Variants in ATAD2 observed in about 807,000 individuals in gnomAD.
ATAD2 encodes ATPase family AAA domain containing 2, also known as ATPase family AAA domain-containing protein 2.
ATAD2 carries 62 observed loss-of-function variants against 168.9 expected under a neutral mutation model. The ratio of observed to expected loss-of-function variants is 0.37; its 90% CI spans 0.30 to 0.45. The LOEUF (loss-of-function observed/expected upper bound fraction) is 0.45. Ranked by LOEUF, ATAD2 falls within the 20% of genes least tolerant of loss-of-function variation. ATAD2 has a pLI of 1.00. For missense variants in ATAD2, 1,419 were observed against 1,667.8 expected (o/e 0.85, Z 2.60); for synonymous variants, 613 against 571.6 (o/e 1.07, Z -1.03).
intron 19 of ATAD2, among the ~76,000 whole-genome samples, chr8:123,341,657 T>C (rs180901700): frequency 9.2e-5 from 14 of 152,342 alleles, no homozygotes; most frequent in Admixed American, 9.1e-4. Flanking sequence ...TCTTGTTCTT[T>C]GGGCACACAG....
At chr8:123,329,408 C>G (rs1827709500) in intron 24 of ATAD2, among the ~76,000 whole-genome samples, 1 of 152,072 alleles carries the variant, frequency 6.6e-6, no homozygotes, top group Non-Finnish European at 1.5e-5. Flanking sequence ...GTGTATGCCA[C>G]TGCATCAAGC....
chr8:123,327,948 T>C (rs1346311404), intron 25 of ATAD2, among the ~76,000 whole-genome samples: 1 of 152,218 alleles, frequency 6.6e-6, no homozygotes, highest in Admixed American at 6.5e-5. Context: ...TTAAGTATCT[T>C]GCCAAAGGTC....
intron 27 of ATAD2, among the ~76,000 whole-genome samples, chr8:123,321,593 CT>C (rs1224899876): frequency 6.6e-6 from 1 of 151,884 alleles, no homozygotes; most frequent in South Asian, 2.1e-4. Flanking sequence ...TAAGTAATAT[CT>C]TTTTTTAAAA....
Position 123,380,666 on chromosome 8 carries a change from T to A in ATAD2, c.183A>T (p.Ser61=). 1 of 1,609,192 alleles carries A rather than the reference T, an allele frequency of 6.2e-7. No individual in the cohort carries two copies. ...GGTGGTAGGTTTCAACTTCCTTAAC[T>A]GATGACCCATCCTTTAAGAAAAATT... ...ATTAKAGDGS[S]VKEVETYHRT... The change falls in exon 2 of 28, where the codon TCA becomes TCT. Residue 61 remains serine, a synonymous_variant. Coordinates refer to ENST00000287394, the MANE Select transcript of ATAD2 (RefSeq NM_014109.4).
rs140877137 is a variant in ATAD2, at chr8:123,331,979, T to C, written c.3478+1899A>G. 2.8e-3 allele frequency among the ~76,000 whole-genome samples: 430 copies of C among 152,358 alleles called. 2 individuals carry two copies. Among genetic ancestry groups the C allele is most frequent in the African/African-American group, 0.01 (417 of 41,584 alleles). On this transcript the variant is annotated intron_variant, in intron 24 of 27. Transcript: ENST00000287394. ...CAGTTGTGATTTAATACTGAGTCTT[T>C]ACATTTGTTTAAATTTCTCTTGACT...
intron 9 of ATAD2, 44 bp from the exon 10 acceptor site, chr8:123,359,729 AC>A: frequency 7.7e-7 from 1 of 1,306,480 alleles, no homozygotes; most frequent in Non-Finnish European, 1.1e-6. Context: ...CCATCAACTC[AC>A]CCTCCTTCCC....
rs1402150756 is a variant in ATAD2, at chr8:123,356,385, T to C, written c.1646+4A>G. 2 of 1,608,548 alleles carry C rather than the reference T, an allele frequency of 1.2e-6. No individual in the cohort carries two copies. The highest frequency in any genetic ancestry group is 2.7e-5 in the African/African-American group (2 of 74,828). On this transcript the variant is annotated splice_donor_region_variant and intron_variant, in intron 13 of 27. Coordinates refer to ENST00000287394, the MANE Select transcript of ATAD2 (RefSeq NM_014109.4). ...ACGTTGAAGTGCCATCAAGCAAGTTTTACCTGTGAATCTGATCTTGCCTGC... is the reference window on the plus strand; with the variant it reads ...ACGTTGAAGTGCCATCAAGCAAGTTCTACCTGTGAATCTGATCTTGCCTGC...
intron 1 of ATAD2, among the ~76,000 whole-genome samples, chr8:123,403,712 T>A (rs1404576479): frequency 6.6e-6 from 1 of 152,106 alleles, no homozygotes. Context: ...CAAGAACAGA[T>A]GTAGAATGAA....
intron 1 of ATAD2, chr8:123,401,841 G>T (rs757611001): frequency 1.3e-6 from 1 of 760,244 alleles, no homozygotes; most frequent in Non-Finnish European, 2.4e-6. Flanking sequence ...AGCAGCAGCA[G>T]CCAGGCACGA....
At chr8:123,415,038 G>T (rs1483844894) in intron 1 of ATAD2, among the ~76,000 whole-genome samples, 2 of 152,132 alleles carry the variant, frequency 1.3e-5, no homozygotes, top group Non-Finnish European at 2.9e-5. Flanking sequence ...CTGTTTTGAT[G>T]TGTTTCCAGG....
intron 1 of ATAD2, among the ~76,000 whole-genome samples, chr8:123,387,528 T>G (rs1213649058): frequency 6.6e-6 from 1 of 152,172 alleles, no homozygotes; most frequent in Non-Finnish European, 1.5e-5. Context: ...AAAAAATTCC[T>G]AAAAACTAAA....
At chr8:123,347,504 T>A (rs941109073) in intron 15 of ATAD2, 98 bp from the exon 16 acceptor site, 4 of 1,241,830 alleles carry the variant, frequency 3.2e-6, no homozygotes, top group Non-Finnish European at 4.4e-6. Context: ...AAATTAAAAA[T>A]CAGCCTCGGA....
Position 123,402,201 on chromosome 8 carries a change from G to A in ATAD2, c.-2281-1026C>T, listed in dbSNP as rs1468112790. The A allele has an allele frequency of 4.8e-6, 3 of 631,350 alleles. No homozygotes were observed. The highest frequency in any genetic ancestry group is 8.6e-6 in the Non-Finnish European group (3 of 347,206). 39.1% of individuals were successfully genotyped at this position (631,350 alleles called of 1,614,324 possible). On this transcript the variant is annotated intron_variant, in intron 1 of 28. Coordinates refer to the ATAD2 transcript ENST00000521903. This position sits in a 1 kb window ranked among gnomAD's most constrained non-coding sequence, Gnocchi z 4.8. Reference sequence around the variant, plus strand: ...CCATCACTGAGTGGTCCACAGATTTGCACTACGGGTTCCCCAGCTCCTTTC... The same window carrying A: ...CCATCACTGAGTGGTCCACAGATTTACACTACGGGTTCCCCAGCTCCTTTC...
At chr8:123,388,807 T>C (rs1319864609) in intron 1 of ATAD2, among the ~76,000 whole-genome samples, 1 of 152,110 alleles carries the variant, frequency 6.6e-6, no homozygotes, top group Non-Finnish European at 1.5e-5. Context: ...AGTGCTGGGA[T>C]TAGAAGTGTG....
chr8:123,401,559 C>G (rs1416691474), intron 1 of ATAD2: 2 of 1,499,634 alleles, frequency 1.3e-6, no homozygotes, highest in East Asian at 2.4e-5. Context: ...CTGCGGCTCC[C>G]TCTGCATCAC....
chr8:123,369,077 A>G lies in ATAD2; in HGVS notation c.1030T>C (p.Tyr344His). ...CCAAACCTGTTCATTCGTTTACAGTAAGGACTTCTTGGTCCTGCGGAAGAT... is the reference window on the plus strand; with the variant it reads ...CCAAACCTGTTCATTCGTTTACAGTGAGGACTTCTTGGTCCTGCGGAAGAT... ...RLSSAGPRSP[Y>H]CKRMNRRRHA... is the part of the protein sequence containing the mutation. The change falls in exon 8 of 28, where the codon TAC (tyrosine) becomes CAC (histidine). Residue 344 changes from tyrosine to histidine, a missense_variant. Around this residue, in one of 5 missense-constraint regions of ATAD2, gnomAD observed 146 missense variants for 188.3 expected, o/e 0.78. Coordinates refer to ENST00000287394, the MANE Select transcript of ATAD2 (RefSeq NM_014109.4). 6.3e-7 allele frequency: 1 copy of G among 1,586,898 alleles called. No individual in the cohort carries two copies. The highest frequency in any genetic ancestry group is 8.6e-7 in the Non-Finnish European group (1 of 1,160,616).
At chr8:123,388,396 T>C (rs1254906407) in intron 1 of ATAD2, among the ~76,000 whole-genome samples, 1 of 152,090 alleles carries the variant, frequency 6.6e-6, no homozygotes, top group Non-Finnish European at 1.5e-5. Context: ...TTTTATTTTA[T>C]TATTTTGAGA....
chr8:123,393,049 T>C (rs1812659767), intron 1 of ATAD2, among the ~76,000 whole-genome samples: 1 of 151,986 alleles, frequency 6.6e-6, no homozygotes, highest in Non-Finnish European at 1.5e-5. Context: ...CCAGGCGTGT[T>C]GGCGGGTGCC....
rs562893308 is a variant in ATAD2, at chr8:123,385,345, A to C, written c.172-4668T>G. 1.4e-4 allele frequency among the ~76,000 whole-genome samples: 22 copies of C among 152,320 alleles called. No individual in the cohort carries two copies. In the South Asian group the frequency reaches 4.6e-3, roughly 32 times the overall value. The stretch of plus-strand genomic sequence containing the variant: ...AAGAATCAAGGTAAACTTTGCTAAG[A>C]GTTTGCTCATGTTATTATTTTTAAA... On this transcript the variant is annotated intron_variant, in intron 1 of 27. Coordinates refer to ENST00000287394, the MANE Select transcript of ATAD2 (RefSeq NM_014109.4).
Sources: allele counts gnomAD v4.1 joint callset (sites outside exome capture counted in the v4.1 genomes callset), GRCh38; gene constraint gnomAD v4.1.1; regional missense constraint gnomAD v4.1.1; non-coding constraint Gnocchi (gnomAD v3.1); transcripts MANE v1.5; gene names NCBI Gene and HGNC (gene_info 2026-07-23, HGNC 2026-07-21).